Variants in RAB1A observed in about 807,000 individuals in gnomAD.
The protein encoded by RAB1A is ras-related protein Rab-1A.
Under a neutral mutation model 26.0 loss-of-function variants are expected in RAB1A, and 2 were observed. The observed-to-expected ratio is 0.08, with a 90% CI of 0.03 to 0.24. The LOEUF (loss-of-function observed/expected upper bound fraction) is 0.24. RAB1A is among the 10% of genes least tolerant of loss of function. The pLI is 1.00. For missense variants in RAB1A, 100 were observed against 247.0 expected (o/e 0.40, Z 3.99); for synonymous variants, 84 against 84.9 (o/e 0.99, Z 0.06).
intron 4 of RAB1A, 95 bp downstream of exon 4, chr2:65,090,888 G>A (rs1234917598): frequency 2.8e-6 from 2 of 706,916 alleles, no homozygotes; most frequent in East Asian, 6.0e-5. Flanking sequence ...AATTAATACT[G>A]ATGGCTTATA....
chr2:65,088,887 T>C (rs1669102350), intron 5 of RAB1A, 52 bp downstream of exon 5: 6 of 1,539,912 alleles, frequency 3.9e-6, no homozygotes, highest in Admixed American at 2.0e-5. Flanking sequence ...GCAGAACCCA[T>C]ACATAATTCA....
chr2:65,127,900 A>T (rs1252160509), intron 1 of RAB1A, among the ~76,000 whole-genome samples: 1 of 151,760 alleles, frequency 6.6e-6, no homozygotes, highest in Non-Finnish European at 1.5e-5. Context: ...CGCCCGGCTA[A>T]TTTTTTTGCA....
At chr2:65,102,515 G>A (rs1669453945) in intron 2 of RAB1A, among the ~76,000 whole-genome samples, 1 of 151,630 alleles carries the variant, frequency 6.6e-6, no homozygotes, top group Non-Finnish European at 1.5e-5. Context: ...TTTTATTTCA[G>A]CCAACAAATG....
intron 1 of RAB1A, among the ~76,000 whole-genome samples, chr2:65,128,553 TACG>T (rs1670157280): frequency 6.6e-6 from 1 of 152,190 alleles, no homozygotes; most frequent in Non-Finnish European, 1.5e-5. Flanking sequence ...AATAAAATAC[TACG>T]GTTTCTGTTT....
At position 65,101,467 on chromosome 2, in the gene RAB1A, T is replaced by C. The variant is rs12623206; in HGVS notation, c.96+3267A>G. Among the ~76,000 whole-genome samples the C allele has an allele frequency of 0.022, 3,381 of 152,238 alleles. 209 individuals are homozygous for C. The East Asian group carries it at 0.23, about 10-fold the overall frequency. ...TATTAATATTTTGAGGGTATGGGGA[T>C]CAGCATTTTAAAAATAGTTTCCAGG... is the stretch of plus-strand genomic sequence containing the variant. On this transcript the variant is annotated intron_variant, in intron 2 of 5. Coordinates refer to ENST00000409784, the MANE Select transcript of RAB1A (RefSeq NM_004161.5).
intron 1 of RAB1A, chr2:65,105,026 G>T: frequency 1.6e-6 from 1 of 639,882 alleles, no homozygotes; most frequent in South Asian, 1.6e-5. Context: ...TGCCACCTAT[G>T]ATCTCTAACA....
intron 1 of RAB1A, among the ~76,000 whole-genome samples, chr2:65,124,029 C>A (rs1053108701): frequency 6.6e-5 from 10 of 151,996 alleles, no homozygotes; most frequent in Non-Finnish European, 1.5e-4. Context: ...ACTCTGTCAC[C>A]CAGGCTGGAG....
intron 1 of RAB1A, among the ~76,000 whole-genome samples, chr2:65,114,874 A>G (rs1323825061): frequency 7.1e-6 from 1 of 141,490 alleles, no homozygotes; most frequent in East Asian, 2.2e-4. Context: ...CAAAAAAAAA[A>G]CCAGTTTAAG....
chr2:65,102,164 A>G (rs1360561144), intron 2 of RAB1A, among the ~76,000 whole-genome samples: 1 of 152,142 alleles, frequency 6.6e-6, no homozygotes, highest in Non-Finnish European at 1.5e-5. Flanking sequence ...TGAGAATACC[A>G]ATCCTCATAT....
intron 1 of RAB1A, among the ~76,000 whole-genome samples, chr2:65,115,534 T>G (rs1031291022): frequency 1.3e-5 from 2 of 152,202 alleles, no homozygotes; most frequent in African/African-American, 2.4e-5. Flanking sequence ...CATATGCTTC[T>G]GTACTGTGAA....
At chr2:65,103,749 C>T (rs1041351615) in intron 2 of RAB1A, among the ~76,000 whole-genome samples, 2 of 151,924 alleles carry the variant, frequency 1.3e-5, no homozygotes, top group Admixed American at 6.6e-5. Context: ...ACAATGATCT[C>T]TAGAAGGGAA....
At chr2:65,117,307 T>A (rs916950021) in intron 1 of RAB1A, among the ~76,000 whole-genome samples, 4 of 152,094 alleles carry the variant, frequency 2.6e-5, no homozygotes, top group Non-Finnish European at 4.4e-5. Flanking sequence ...CAGGCAATCC[T>A]CCCACCTCAG....
intron 2 of RAB1A, 31 bp from the exon 3 acceptor site, chr2:65,098,097 T>C (rs750842970): frequency 1.0e-5 from 13 of 1,277,468 alleles, no homozygotes; most frequent in Non-Finnish European, 1.4e-5. Context: ...CAATTAAATG[T>C]ATTGTTCAGT....
intron 3 of RAB1A, among the ~76,000 whole-genome samples, chr2:65,096,132 G>A (rs984977432): frequency 2.0e-5 from 3 of 151,480 alleles, no homozygotes; most frequent in Non-Finnish European, 4.4e-5. Context: ...CAGCCTGGGC[G>A]ACAAAGCAAG....
At chr2:65,099,874 G>A (rs1669377538) in intron 2 of RAB1A, among the ~76,000 whole-genome samples, 1 of 152,074 alleles carries the variant, frequency 6.6e-6, no homozygotes, top group South Asian at 2.1e-4. Context: ...CAGAAAGAGG[G>A]ACAAACAAAT....
chr2:65,104,136 T>C (rs1179993931), intron 2 of RAB1A, among the ~76,000 whole-genome samples: 1 of 152,238 alleles, frequency 6.6e-6, no homozygotes, highest in Non-Finnish European at 1.5e-5. Context: ...CTGTGGATTC[T>C]GTTAAGTCAA....
Position 65,098,005 on chromosome 2 carries a change from A to G in RAB1A, c.158T>C (p.Ile53Thr), listed in dbSNP as rs1669330906. 6.3e-7 allele frequency: 1 copy of G among 1,584,382 alleles called. No homozygotes were observed. The highest frequency in any genetic ancestry group is 1.8e-5 in the Admixed American group (1 of 56,382). The change falls in exon 3 of 6, where the codon ATA becomes ACA. Residue 53 changes from isoleucine to threonine, a missense_variant. Around this residue, in one of 2 missense-constraint regions of RAB1A, gnomAD observed 33 missense variants for 124.2 expected, o/e 0.27. Transcript: ENST00000409784. ...TIGVDFKIRT[I>T]ELDGKTIKLQ... is the part of the protein sequence containing the mutation. ...CTTGATTGTTTTCCCGTCTAACTCT[A>G]TAGTTCTTATTTTGAAATCCACACC...
chr2:65,107,706 C>G (rs899594398), intron 1 of RAB1A, among the ~76,000 whole-genome samples: 8 of 152,146 alleles, frequency 5.3e-5, no homozygotes, highest in Non-Finnish European at 1.0e-4. Context: ...CCACGCCAGG[C>G]ATCCAGTAAA....
In RAB1A at chr2:65,089,805, C is replaced by T. The variant is rs546722742; in HGVS notation, c.289-735G>A. ...GCAACCTCTGCCCGCTGGGTTCAAG[C>T]GATTCTCCTGTCTCAGCCTCCCAAG... On this transcript the variant is annotated intron_variant, in intron 4 of 5. Transcript: ENST00000409784. Among the ~76,000 whole-genome samples, 7 of 151,342 alleles carry T rather than the reference C, an allele frequency of 4.6e-5. No homozygotes were observed. The South Asian group carries it at 1.5e-3, about 32-fold the overall frequency.
Sources: gnomAD v4.1 joint callset for allele counts (sites outside exome capture counted in the v4.1 genomes callset) on GRCh38, gnomAD v4.1.1 for gene constraint, gnomAD v4.1.1 regional missense constraint, MANE v1.5 for transcripts, NCBI Gene and HGNC (gene_info 2026-07-23, HGNC 2026-07-21) for gene names.